Variants in SETDB1 observed in about 807,000 individuals in gnomAD.
SETDB1 encodes histone-lysine N-methyltransferase SETDB1.
In SETDB1, 31 loss-of-function variants were observed where a neutral mutation model predicts 137.4. That is an observed-to-expected ratio of 0.23 (90% CI 0.17 to 0.30). The LOEUF is 0.30. SETDB1 is among the 10% of genes least tolerant of loss of function. The pLI is 1.00. For synonymous variants in SETDB1, 548 were observed against 579.9 expected, an observed-to-expected ratio of 0.95 and a Z score of 0.79; for missense variants, 1,113 against 1,631.5, an observed-to-expected ratio of 0.68 and a Z score of 5.47.
At chr1:150,931,936 T>G (rs899013203) in intron 3 of SETDB1, among the ~76,000 whole-genome samples, 4 of 152,108 alleles carry the variant, frequency 2.6e-5, no homozygotes, top group Non-Finnish European at 5.9e-5. Context: ...TGTATCATTC[T>G]CCTATGTTCC....
chr1:150,934,108 C>A lies in SETDB1; in HGVS notation c.412+3990C>A, dbSNP rs116825020. Among the ~76,000 whole-genome samples, 966 of 151,852 alleles carry A rather than the reference C, an allele frequency of 6.4e-3. 9 individuals carry two copies. The highest frequency in any genetic ancestry group is 0.022 in the African/African-American group (920 of 41,406). On this transcript the variant is annotated intron_variant, in intron 3 of 21. Transcript: ENST00000692827. ...CCTGATTTTTCTTTTTTTTAGCTTT[C>A]ATAAAAGGGGTTGCATCTGTACCTA...
chr1:150,958,859 T>G (rs1179292380), intron 14 of SETDB1, among the ~76,000 whole-genome samples: 1 of 152,178 alleles, frequency 6.6e-6, no homozygotes, highest in African/African-American at 2.4e-5. Context: ...GGCTCTGTAA[T>G]CTGTATTCCC....
At position 150,927,776 on chromosome 1, in the gene SETDB1, A is replaced by C; in HGVS notation, c.62A>C (p.Glu21Ala). The C allele has an allele frequency of 6.2e-7, 1 of 1,614,190 alleles. No homozygotes were observed. The highest frequency in any genetic ancestry group is 8.5e-7 in the Non-Finnish European group (1 of 1,180,014). Residue 21 changes from glutamate to alanine, a missense_variant, in exon 2 of 22, where the codon GAG (glutamate) becomes GCG (alanine). Coordinates refer to ENST00000692827, the MANE Select transcript of SETDB1 (RefSeq NM_001366418.1). ...GCAACAGCTACAGTGGAGTCTGAAG[A>C]GATTGCAGAGCTGCAACAGGCAGTG... ...DAATATVESEEIAELQQAVVE... is the reference protein window; with the variant it reads ...DAATATVESEAIAELQQAVVE...
At chr1:150,928,759 G>A (rs1464896965) in intron 2 of SETDB1, among the ~76,000 whole-genome samples, 14 of 134,262 alleles carry the variant, frequency 1.0e-4, no homozygotes, top group Non-Finnish European at 2.1e-4. Flanking sequence ...CCCACCCCAC[G>A]ACAGGCCCCA....
Position 150,962,169 on chromosome 1 carries a change from T to C in SETDB1, c.3161+11T>C. 1 of 1,609,964 alleles carries C rather than the reference T, an allele frequency of 6.2e-7. No homozygotes were observed. The highest frequency in any genetic ancestry group is 1.7e-5 in the Admixed American group (1 of 59,988). Reference sequence around the variant, plus strand: ...AAACAAGATGTCAGTGTAAGTGCCTTTTGTTTTGTTTTGTTTTGAGACAGA... The same window carrying C: ...AAACAAGATGTCAGTGTAAGTGCCTCTTGTTTTGTTTTGTTTTGAGACAGA... On this transcript the variant is annotated intron_variant, in intron 17 of 21. Coordinates refer to ENST00000692827, the MANE Select transcript of SETDB1 (RefSeq NM_001366418.1).
chr1:150,934,818 A>G (rs1042800486), intron 3 of SETDB1, among the ~76,000 whole-genome samples: 6 of 151,508 alleles, frequency 4.0e-5, no homozygotes, highest in Non-Finnish European at 7.4e-5. Context: ...TACCCAGGAT[A>G]TAGAATTTTT....
chr1:150,946,804 A>T, intron 9 of SETDB1, 82 bp from the exon 10 acceptor site: 1 of 1,511,356 alleles, frequency 6.6e-7, no homozygotes, highest in Non-Finnish European at 9.1e-7. Context: ...GAGGTGACAC[A>T]TGGTATATAT....
At chr1:150,940,567 C>CAG (rs1670105775) in intron 4 of SETDB1, among the ~76,000 whole-genome samples, 1 of 144,124 alleles carries the variant, frequency 6.9e-6, no homozygotes, top group African/African-American at 2.6e-5. Flanking sequence ...GACTCTGTCT[C>CAG]AGAAAAAAAA....
intron 2 of SETDB1, 69 bp from the exon 3 acceptor site, chr1:150,929,898 C>A (rs1396663256): frequency 1.6e-6 from 2 of 1,288,054 alleles, no homozygotes; most frequent in South Asian, 1.4e-5. Context: ...ATATATACAT[C>A]GTAATGGATT....
chr1:150,928,455 G>A (rs587748387), intron 2 of SETDB1, among the ~76,000 whole-genome samples: 1 of 152,204 alleles, frequency 6.6e-6, no homozygotes, highest in African/African-American at 2.4e-5. Flanking sequence ...TCTTCCTCCT[G>A]TGCTCTATCT....
rs587715611 is a variant in SETDB1 at position 150,945,147 on chromosome 1, T to TG, written c.1140+47dup. The TG allele has an allele frequency of 3.1e-4, 496 of 1,609,468 alleles. 2 individuals carry two copies. The highest frequency in any genetic ancestry group is 1.7e-3 in the African/African-American group (126 of 74,718). On this transcript the variant is annotated intron_variant, in intron 9 of 21. Coordinates refer to ENST00000692827, the MANE Select transcript of SETDB1 (RefSeq NM_001366418.1). ...CTACAATTTTGGAGGCAGAGGTTGG[T>TG]GGGGGGGGAACTTAAGAAGCAGTAA...
intron 10 of SETDB1, among the ~76,000 whole-genome samples, chr1:150,948,766 A>G (rs1211745412): frequency 6.6e-6 from 1 of 151,746 alleles, no homozygotes; most frequent in African/African-American, 2.4e-5. Context: ...TCTGTTGCCC[A>G]GGCTGGAGTA....
At chr1:150,947,860 G>A (rs1239840336) in intron 10 of SETDB1, among the ~76,000 whole-genome samples, 5 of 152,070 alleles carry the variant, frequency 3.3e-5, no homozygotes, top group Non-Finnish European at 7.3e-5. Flanking sequence ...AAATTAGTTG[G>A]TTAAAGAATA....
intron 3 of SETDB1, among the ~76,000 whole-genome samples, chr1:150,938,410 A>G (rs927825615): frequency 6.6e-6 from 1 of 152,094 alleles, no homozygotes; most frequent in Admixed American, 6.6e-5. Context: ...TATAGGTATG[A>G]GGAAATTTTT....
In SETDB1 at chr1:150,931,805, A is replaced by G. The variant is rs1046127533; in HGVS notation, c.412+1687A>G. Among the ~76,000 whole-genome samples, 22 of 149,496 alleles carry G rather than the reference A, an allele frequency of 1.5e-4. No individual in the cohort carries two copies. In the South Asian group the frequency reaches 2.3e-3, roughly 16 times the overall value. On this transcript the variant is annotated intron_variant, in intron 3 of 21. Transcript: ENST00000692827. ...GAAAGCATTTGGTGTTTAACCATTAATTATGTTAGCAGTAGGTTTTCTATA... is the reference window on the plus strand; with the variant it reads ...GAAAGCATTTGGTGTTTAACCATTAGTTATGTTAGCAGTAGGTTTTCTATA...
intron 9 of SETDB1, among the ~76,000 whole-genome samples, chr1:150,945,625 C>T (rs1272285853): frequency 6.6e-6 from 1 of 152,048 alleles, no homozygotes; most frequent in Non-Finnish European, 1.5e-5. Flanking sequence ...GGCAGTGTGC[C>T]CAGAGTAGCC....
In SETDB1 at chr1:150,950,463, C is replaced by T. The variant is rs143224912; in HGVS notation, c.1589C>T (p.Pro530Leu). 4,035 of 1,593,386 alleles carry T rather than the reference C, an allele frequency of 2.5e-3. 49 individuals carry two copies. Among genetic ancestry groups the T allele is most frequent in the South Asian group, 0.022 (1,920 of 88,348 alleles). The change falls in exon 13 of 22, where the codon CCT (proline) becomes CTT (leucine). Residue 530 changes from proline (P) to leucine (L), a missense_variant. Physicochemically the swap from Pro to Leu is moderately conservative, Grantham distance 98. Transcript: ENST00000692827. ...CACTTGCATCTCATTTGCAGATCAC[C>T]TTTAGGCTCCACAGCCTCTGCCCCA... ...KPGINQTYRS[P>L]LGSTASAPAP...
At chr1:150,930,201 G>C in intron 3 of SETDB1, 83 bp downstream of exon 3, 1 of 1,236,810 alleles carries the variant, frequency 8.1e-7, no homozygotes, top group Non-Finnish European at 1.1e-6. Context: ...TAATAGAAGA[G>C]AGGAGAAACC....
Position 150,951,327 on chromosome 1 carries a change from C to T in SETDB1, c.2217-38C>T, listed in dbSNP as rs79983231. The T allele has an allele frequency of 6.5e-5, 93 of 1,421,892 alleles. No individual in the cohort carries two copies. In the African/African-American group the frequency reaches 1.0e-3, roughly 16 times the overall value. The allele number at this position is 1,421,892 out of a possible 1,614,324, so 88.1% of individuals were successfully genotyped here. A position where few individuals can be genotyped will look rare whatever the true frequency, so the allele number is the denominator to read the frequency against. On this transcript the variant is annotated intron_variant, in intron 13 of 21. Transcript: ENST00000692827. Reference sequence around the variant, plus strand: ...TATTGTGTTATTTTTGTTCTCTGATCCCCCCGCTCCTTTCCTTTATTTCCC... The same window carrying T: ...TATTGTGTTATTTTTGTTCTCTGATTCCCCCGCTCCTTTCCTTTATTTCCC...
Sources: allele counts gnomAD v4.1 joint callset (sites outside exome capture counted in the v4.1 genomes callset), GRCh38; gene constraint gnomAD v4.1.1; transcripts MANE v1.5; gene names NCBI Gene and HGNC (gene_info 2026-07-23, HGNC 2026-07-21).